AUNIP: variants seen among roughly 807,000 people sequenced by gnomAD.
AUNIP encodes aurora kinase A and ninein interacting protein.
Under a neutral mutation model 12.2 loss-of-function variants are expected in AUNIP, and 16 were observed. The observed-to-expected ratio is 1.31, with a 90% confidence interval of 0.88 to 1.99. The LOEUF is 1.99. AUNIP is among the 30% of genes most tolerant of loss of function. The pLI is 0.00. For missense variants in AUNIP, 411 were observed against 419.1 expected, an observed-to-expected ratio of 0.98 and a Z score of 0.17; for synonymous variants, 142 against 154.8, an observed-to-expected ratio of 0.92 and a Z score of 0.61.
chr1:25,851,495 C>T (rs967288255), intron 1 of AUNIP, among the ~76,000 whole-genome samples: 2 of 152,164 alleles, frequency 1.3e-5, no homozygotes, highest in African/African-American at 4.8e-5. Flanking sequence ...CTATCTGGAC[C>T]TGGACTTTTC....
At chr1:25,836,880 C>T (rs1256547835) in intron 2 of AUNIP, among the ~76,000 whole-genome samples, 1 of 152,188 alleles carries the variant, frequency 6.6e-6, no homozygotes, top group East Asian at 1.9e-4. Context: ...GTGGCAGGAA[C>T]CCTGCTGTTT....
chr1:25,853,918 A>G (rs1221151307), intron 1 of AUNIP, among the ~76,000 whole-genome samples: 1 of 152,288 alleles, frequency 6.6e-6, no homozygotes, highest in Middle Eastern at 3.4e-3. Flanking sequence ...TATTCTATTC[A>G]TTAGAAGCAA....
intron 1 of AUNIP, among the ~76,000 whole-genome samples, chr1:25,844,664 T>C (rs2048370393): frequency 6.6e-6 from 1 of 152,212 alleles, no homozygotes; most frequent in Non-Finnish European, 1.5e-5. Context: ...TAACTTCCTT[T>C]TTTCATAATG....
chr1:25,843,593 T>TGA (rs1557452545), intron 1 of AUNIP, among the ~76,000 whole-genome samples: 1 of 89,690 alleles, frequency 1.1e-5, no homozygotes, highest in Admixed American at 1.4e-4. Flanking sequence ...CCTGTCTGTT[T>TGA]GAAAAAAAAA....
intron 1 of AUNIP, among the ~76,000 whole-genome samples, chr1:25,845,478 A>G (rs1162598595): frequency 6.6e-6 from 1 of 152,092 alleles, no homozygotes; most frequent in African/African-American, 2.4e-5. Context: ...AGAGAAAGGC[A>G]TTTTTTACAC....
intron 1 of AUNIP, among the ~76,000 whole-genome samples, chr1:25,854,373 T>C (rs1279141100): frequency 6.6e-6 from 1 of 152,174 alleles, no homozygotes; most frequent in East Asian, 1.9e-4. Flanking sequence ...ATTCTTCCCA[T>C]ATGCAAAATA....
In AUNIP at chr1:25,834,915, C is replaced by T; in HGVS notation, c.*78G>A. Reference sequence around the variant, plus strand: ...CCACCTTCCCACCTAAACAAACTCACTCCTCTCTCCACCCACAACTATATT... The same window carrying T: ...CCACCTTCCCACCTAAACAAACTCATTCCTCTCTCCACCCACAACTATATT... On this transcript the variant is annotated 3_prime_UTR_variant, in exon 3 of 3. Coordinates refer to ENST00000374298, the MANE Select transcript of AUNIP (RefSeq NM_024037.3). 2 of 1,531,236 alleles carry T rather than the reference C, an allele frequency of 1.3e-6. No individual in the cohort carries two copies. The highest frequency in any genetic ancestry group is 1.3e-5 in the South Asian group (1 of 76,190). The allele number at this position is 1,531,236 out of a possible 1,614,324, so 94.9% of individuals were successfully genotyped here.
chr1:25,837,316 T>C, intron 2 of AUNIP, 97 bp downstream of exon 2: 1 of 1,397,004 alleles, frequency 7.2e-7, no homozygotes, highest in South Asian at 1.5e-5. Context: ...CACAATGCAC[T>C]GGTTTCACCA....
chr1:25,834,759 A>G lies in AUNIP; in HGVS notation c.*234T>C. On this transcript the variant is annotated 3_prime_UTR_variant, in exon 3 of 3. Coordinates refer to ENST00000374298, the MANE Select transcript of AUNIP (RefSeq NM_024037.3). ...TGTGCTGCCTCAGTGTTCATCATAG[A>G]CTCATTCAGGGAATTTACCAGCCAC... The G allele has an allele frequency of 7.2e-7, 1 of 1,393,012 alleles. No homozygotes were observed. Among genetic ancestry groups the G allele is most frequent in the Non-Finnish European group, 9.3e-7 (1 of 1,076,508 alleles). 86.3% of individuals were successfully genotyped at this position (1,393,012 alleles called of 1,614,324 possible). A position where few individuals can be genotyped will look rare whatever the true frequency, so the allele number is the denominator to read the frequency against.
chr1:25,837,132 C>T (rs569758273), intron 2 of AUNIP, among the ~76,000 whole-genome samples: 1 of 152,328 alleles, frequency 6.6e-6, no homozygotes, highest in African/African-American at 2.4e-5. Flanking sequence ...CTCCCCAGTG[C>T]ACCTCCAACT....
intron 1 of AUNIP, among the ~76,000 whole-genome samples, chr1:25,852,154 A>G (rs891423472): frequency 1.3e-5 from 2 of 151,836 alleles, no homozygotes; most frequent in African/African-American, 4.8e-5. Flanking sequence ...GGGTCTCCCT[A>G]TGTTGCCCAG....
chr1:25,835,241 T>C lies in AUNIP; in HGVS notation c.826A>G (p.Asn276Asp). ...RSPVSVFSWD[N>D]EKNDKDSWSQ... The stretch of plus-strand genomic sequence containing the variant: ...CAGGAGTCCTTGTCATTCTTTTCAT[T>C]GTCCCAGGAAAACACAGAAACTGGA... The change falls in exon 3 of 3, where the codon AAT (asparagine) becomes GAT (aspartate). Residue 276 changes from asparagine (N) to aspartate (D), a missense_variant. Physicochemically the swap from Asn to Asp is conservative, Grantham distance 23. Transcript: ENST00000374298. The C allele has an allele frequency of 1.2e-6, 2 of 1,614,242 alleles. No individual in the cohort carries two copies. The highest frequency in any genetic ancestry group is 1.6e-4 in the Middle Eastern group (1 of 6,062).
intron 2 of AUNIP, among the ~76,000 whole-genome samples, chr1:25,837,003 T>C (rs901759963): frequency 2.6e-5 from 4 of 152,182 alleles, no homozygotes; most frequent in Admixed American, 2.6e-4. Flanking sequence ...AAAAGCATCT[T>C]TGAACCTTTC....
Position 25,847,865 on chromosome 1 carries a change from A to G in AUNIP, c.79-10311T>C, listed in dbSNP as rs2048395167. Among the ~76,000 whole-genome samples, 1 of 152,154 alleles carries G rather than the reference A, an allele frequency of 6.6e-6. No homozygotes were observed. Among genetic ancestry groups the G allele is most frequent in the African/African-American group, 2.4e-5 (1 of 41,450 alleles). ...GAGGCTGAGGTGAGAGAATCGATTG[A>G]GCCCGGGAGGCAGAGGTTGCAGTGA... On this transcript the variant is annotated intron_variant, in intron 1 of 2. Coordinates refer to ENST00000374298, the MANE Select transcript of AUNIP (RefSeq NM_024037.3). The surrounding 1 kb of genome is among the most constrained non-coding windows in gnomAD (Gnocchi z 4.2).
chr1:25,834,340 G>A lies in AUNIP; in HGVS notation c.*653C>T. The stretch of plus-strand genomic sequence containing the variant: ...ATTAAAAGCTCACACATCTGGCTGG[G>A]CGCGGTGGCTTATGCCTGTAATCTC... On this transcript the variant is annotated 3_prime_UTR_variant, in exon 3 of 3. Transcript: ENST00000374298. The A allele has an allele frequency of 2.0e-6, 2 of 985,242 alleles. No homozygotes were observed. Among genetic ancestry groups the A allele is most frequent in the Non-Finnish European group, 2.4e-6 (2 of 829,952 alleles). 61.0% of individuals were successfully genotyped at this position (985,242 alleles called of 1,614,324 possible). A position where few individuals can be genotyped will look rare whatever the true frequency, so the allele number is the denominator to read the frequency against.
chr1:25,840,030 T>TA (rs2048338457), intron 1 of AUNIP, among the ~76,000 whole-genome samples: 1 of 152,026 alleles, frequency 6.6e-6, no homozygotes, highest in African/African-American at 2.4e-5. Flanking sequence ...TAGCATGCAA[T>TA]AAAAAATTAC....
chr1:25,839,533 T>C (rs1389351781), intron 1 of AUNIP, among the ~76,000 whole-genome samples: 1 of 152,178 alleles, frequency 6.6e-6, no homozygotes, highest in East Asian at 1.9e-4. Flanking sequence ...AGGAGAATCA[T>C]CCTTTAGTAG....
intron 1 of AUNIP, among the ~76,000 whole-genome samples, chr1:25,851,122 T>C (rs1470520580): frequency 1.3e-5 from 2 of 152,234 alleles, no homozygotes; most frequent in Non-Finnish European, 2.9e-5. Flanking sequence ...TCTGTGTCTA[T>C]TGACATGATT....
chr1:25,835,814 A>C lies in AUNIP; in HGVS notation c.253T>G (p.Ser85Ala). ...TTGATCTGACTTTCTGTATGAGATG[A>C]AACACTCTTCTGGTCACTGCCATTT... ...KTNGSDQKSV[S>A]SHTESQINKE... The change falls in exon 3 of 3, where the codon TCA becomes GCA. Residue 85 changes from serine to alanine, a missense_variant. Transcript: ENST00000374298. The C allele has an allele frequency of 6.2e-7, 1 of 1,614,192 alleles. No homozygotes were observed. The highest frequency in any genetic ancestry group is 8.5e-7 in the Non-Finnish European group (1 of 1,180,008).
Sources: gnomAD v4.1 joint callset for allele counts (sites outside exome capture counted in the v4.1 genomes callset) on GRCh38, gnomAD v4.1.1 for gene constraint, Gnocchi (gnomAD v3.1) non-coding constraint, MANE v1.5 for transcripts, NCBI Gene and HGNC (gene_info 2026-07-23, HGNC 2026-07-21) for gene names.